DPYSL2: variants seen among roughly 807,000 people sequenced by gnomAD.
The protein encoded by DPYSL2 is dihydropyrimidinase-related protein 2.
DPYSL2 carries 13 observed loss-of-function variants against 69.9 expected under a neutral mutation model. The ratio of observed to expected loss-of-function variants is 0.19; its 90% CI spans 0.12 to 0.30. DPYSL2 has a LOEUF of 0.30. Among genes scored for constraint, DPYSL2 ranks in the 10% least tolerant of loss-of-function variants. The pLI is 1.00. For synonymous variants in DPYSL2, 326 were observed against 359.1 expected (o/e 0.91, Z 1.04); for missense variants, 587 against 918.9 (o/e 0.64, Z 4.67).
chr8:26,643,325 A>G lies in DPYSL2; in HGVS notation c.1127-114A>G, dbSNP rs183926349. The G allele has an allele frequency of 1.9e-4, 217 of 1,142,448 alleles. No individual in the cohort carries two copies. In the African/African-American group the frequency reaches 3.2e-3, roughly 17 times the overall value. 70.8% of individuals were successfully genotyped at this position (1,142,448 alleles called of 1,614,324 possible). ...CTGCGAGATGAGCCTGATATTTCCT[A>G]TAAAGGGATAGTGAGTGCACTGGGT... On this transcript the variant is annotated intron_variant, in intron 8 of 13. Transcript: ENST00000521913. The surrounding 1 kb of genome is among the most constrained non-coding windows in gnomAD (Gnocchi z 6.5).
In DPYSL2 at chr8:26,598,109, A is replaced by G. The variant is rs968427531; in HGVS notation, c.628+14126A>G. ...TTGAGGATCCAGGGAGGTGGTGGCT[A>G]TGGCAGGGCTTGGACAAATTACATG... On this transcript the variant is annotated intron_variant, in intron 3 of 13. Transcript: ENST00000521913. This position sits in a 1 kb window ranked among gnomAD's most constrained non-coding sequence, Gnocchi z 4.2. Among the ~76,000 whole-genome samples the G allele has an allele frequency of 2.0e-5, 3 of 152,154 alleles. No individual in the cohort carries two copies. Among genetic ancestry groups the G allele is most frequent in the Non-Finnish European group, 2.9e-5 (2 of 68,038 alleles).
rs1379810279 is a variant in DPYSL2 at position 26,565,173 on chromosome 8, C to G, written c.355-16796C>G. 6.6e-6 allele frequency among the ~76,000 whole-genome samples: 1 copy of G among 152,118 alleles called. No individual in the cohort carries two copies. The highest frequency in any genetic ancestry group is 1.5e-5 in the Non-Finnish European group (1 of 68,020). On this transcript the variant is annotated intron_variant, in intron 1 of 13. Transcript: ENST00000521913. The surrounding 1 kb of genome is among the most constrained non-coding windows in gnomAD (Gnocchi z 4.1). ...GTATATGTACCACATTTTCTTCATC[C>G]ACTCATTGGTCAGTGGGCACTTAGG...
rs1285636636 is a variant in DPYSL2 at position 26,580,028 on chromosome 8, T to C, written c.355-1941T>C. 1.4e-5 allele frequency among the ~76,000 whole-genome samples: 2 copies of C among 141,700 alleles called. No homozygotes were observed. The highest frequency in any genetic ancestry group is 5.3e-5 in the African/African-American group (2 of 37,850). 93.0% of individuals were successfully genotyped at this position (141,700 alleles called of 152,430 possible). A position where few individuals can be genotyped will look rare whatever the true frequency, so the allele number is the denominator to read the frequency against. ...CTATAGCATGGTATTCCTCCCTCCC[T>C]CACCACTGGCAGCCTCTTATGTAAG... On this transcript the variant is annotated intron_variant, in intron 1 of 13. Coordinates refer to ENST00000521913, the MANE Select transcript of DPYSL2 (RefSeq NM_001197293.3). This position sits in a 1 kb window ranked among gnomAD's most constrained non-coding sequence, Gnocchi z 4.1.
At chr8:26,645,186 G>A (rs1025654832) in intron 10 of DPYSL2, among the ~76,000 whole-genome samples, 1 of 152,070 alleles carries the variant, frequency 6.6e-6, no homozygotes, top group Non-Finnish European at 1.5e-5. Flanking sequence ...AATTATTTGA[G>A]CCCAGGAGTT....
chr8:26,574,894 A>AC (rs2129701490), intron 1 of DPYSL2, among the ~76,000 whole-genome samples: 1 of 152,190 alleles, frequency 6.6e-6, no homozygotes, highest in South Asian at 2.1e-4. Flanking sequence ...AGTAGCTGGG[A>AC]CCACAGGTGC....
In DPYSL2 at chr8:26,650,801, C is replaced by A. The variant is rs926833210; in HGVS notation, c.1597-1456C>A. Among the ~76,000 whole-genome samples the A allele has an allele frequency of 3.3e-5, 5 of 152,168 alleles. No individual in the cohort carries two copies. The highest frequency in any genetic ancestry group is 5.9e-5 in the Non-Finnish European group (4 of 68,030). On this transcript the variant is annotated intron_variant, in intron 11 of 13. Transcript: ENST00000521913. The surrounding 1 kb of genome is among the most constrained non-coding windows in gnomAD (Gnocchi z 5.3). Reference sequence around the variant, plus strand: ...GGTTGCCAAGAGGGAAAAATGTCTCCCCCAAGAATTGGAACTGGAAGTGGG... The same window carrying A: ...GGTTGCCAAGAGGGAAAAATGTCTCACCCAAGAATTGGAACTGGAAGTGGG...
At chr8:26,600,016 G>A (rs1362295415) in intron 3 of DPYSL2, among the ~76,000 whole-genome samples, 1 of 152,152 alleles carries the variant, frequency 6.6e-6, no homozygotes, top group African/African-American at 2.4e-5. Context: ...AATACAATAT[G>A]TGGCCTTTTA....
rs1446386050 is a variant in DPYSL2 at position 26,657,712 on chromosome 8, A to T, written c.*2006A>T. 1 of 152,596 alleles carries T rather than the reference A, an allele frequency of 6.6e-6. No homozygotes were observed. Among genetic ancestry groups the T allele is most frequent in the Non-Finnish European group, 1.5e-5 (1 of 68,036 alleles). The allele number at this position is 152,596 out of a possible 1,614,324, so 9.5% of individuals were successfully genotyped here. ...CACTTGCAGCTCTAGTATTCACTTG[A>T]GTCTTCCTGTTTTTCCTGTACCGGG... On this transcript the variant is annotated 3_prime_UTR_variant, in exon 14 of 14. Coordinates refer to ENST00000521913, the MANE Select transcript of DPYSL2 (RefSeq NM_001197293.3).
At chr8:26,576,996 C>T in intron 1 of DPYSL2, 1 of 308,952 alleles carries the variant, frequency 3.2e-6, no homozygotes, top group South Asian at 2.2e-5. Context: ...CGCGCCACAT[C>T]GGCCTCGGCG....
chr8:26,574,464 C>T (rs562556586), intron 1 of DPYSL2, among the ~76,000 whole-genome samples: 1 of 152,192 alleles, frequency 6.6e-6, no homozygotes, highest in East Asian at 1.9e-4. Context: ...GCAGAATGCC[C>T]GGGATGTTAC....
chr8:26,516,160 C>T lies in DPYSL2; in HGVS notation c.354+1481C>T, dbSNP rs1252128545. On this transcript the variant is annotated intron_variant, in intron 1 of 13. Coordinates refer to ENST00000521913, the MANE Select transcript of DPYSL2 (RefSeq NM_001197293.3). The surrounding 1 kb of genome is among the most constrained non-coding windows in gnomAD (Gnocchi z 4.8). ...CCCCAGCCCTGCCCTCTAATTTATT[C>T]ATATAAGGGAGTGTCTCATATCCAT... Among the ~76,000 whole-genome samples, 1 of 152,202 alleles carries T rather than the reference C, an allele frequency of 6.6e-6. No individual in the cohort carries two copies. The highest frequency in any genetic ancestry group is 1.5e-5 in the Non-Finnish European group (1 of 68,034).
chr8:26,523,818 C>A lies in DPYSL2; in HGVS notation c.354+9139C>A, dbSNP rs780167263. Among the ~76,000 whole-genome samples the A allele has an allele frequency of 4.6e-5, 7 of 152,164 alleles. No homozygotes were observed. The South Asian group carries it at 6.2e-4, about 14-fold the overall frequency. On this transcript the variant is annotated intron_variant, in intron 1 of 13. Coordinates refer to ENST00000521913, the MANE Select transcript of DPYSL2 (RefSeq NM_001197293.3). ...TGGGATTACAGGCATAAGCCACTGC[C>A]CCTGGCCCAGAATTTCTTTCCTTTT...
In DPYSL2 at chr8:26,610,664, C is replaced by T. The variant is rs920663932; in HGVS notation, c.629-13479C>T. On this transcript the variant is annotated intron_variant, in intron 3 of 13. Coordinates refer to ENST00000521913, the MANE Select transcript of DPYSL2 (RefSeq NM_001197293.3). This position sits in a 1 kb window ranked among gnomAD's most constrained non-coding sequence, Gnocchi z 4.5. Reference sequence around the variant, plus strand: ...TCTGTCCTAGCCTATCCCCCCTGCTCTCCCCTGGCATAGAAGGGTGCATCT... The same window carrying T: ...TCTGTCCTAGCCTATCCCCCCTGCTTTCCCCTGGCATAGAAGGGTGCATCT... Among the ~76,000 whole-genome samples the T allele has an allele frequency of 1.3e-5, 2 of 152,152 alleles. No individual in the cohort carries two copies. Among genetic ancestry groups the T allele is most frequent in the African/African-American group, 4.8e-5 (2 of 41,426 alleles).
chr8:26,577,141 G>A, intron 1 of DPYSL2: 2 of 447,408 alleles, frequency 4.5e-6, no homozygotes, highest in Non-Finnish European at 4.5e-6. Flanking sequence ...GGAGTTGGAA[G>A]GGTTTCCTCA....
intron 3 of DPYSL2, among the ~76,000 whole-genome samples, chr8:26,611,569 C>T (rs1163699804): frequency 2.0e-5 from 3 of 152,170 alleles, no homozygotes; most frequent in African/African-American, 2.4e-5. Flanking sequence ...GTGCTGTAAA[C>T]GTGGCCTTTT....
chr8:26,557,406 AC>A (rs1446066520), intron 1 of DPYSL2, among the ~76,000 whole-genome samples: 1 of 152,104 alleles, frequency 6.6e-6, no homozygotes, highest in East Asian at 1.9e-4. Context: ...GAGACACCTC[AC>A]CAAAGAAGAT....
chr8:26,632,281 G>C (rs966752162), intron 7 of DPYSL2, among the ~76,000 whole-genome samples: 1 of 152,196 alleles, frequency 6.6e-6, no homozygotes, highest in African/African-American at 2.4e-5. Flanking sequence ...ATGCAAAACA[G>C]ATAAGAAAGT....
chr8:26,612,208 G>A (rs56761490), intron 3 of DPYSL2, among the ~76,000 whole-genome samples: 4,004 of 152,264 alleles, frequency 0.026, 167 homozygotes, highest in African/African-American at 0.09. Context: ...AATGGAAAAA[G>A]CAGCGCTGTC....
At chr8:26,584,627 T>C (rs1262469002) in intron 3 of DPYSL2, among the ~76,000 whole-genome samples, 1 of 148,986 alleles carries the variant, frequency 6.7e-6, no homozygotes, top group Non-Finnish European at 1.5e-5. Context: ...TTTTTTTTTT[T>C]TTTTTTTTTG....
Sources: allele counts gnomAD v4.1 joint callset (sites outside exome capture counted in the v4.1 genomes callset), GRCh38; gene constraint gnomAD v4.1.1; non-coding constraint Gnocchi (gnomAD v3.1); transcripts MANE v1.5; gene names NCBI Gene and HGNC (gene_info 2026-07-23, HGNC 2026-07-21).